Variants in TNIP3 observed in about 807,000 individuals in gnomAD.
TNIP3 encodes TNFAIP3-interacting protein 3.
Under a neutral mutation model 54.1 loss-of-function variants are expected in TNIP3, and 34 were observed. That is an observed-to-expected ratio of 0.63 (90% CI 0.48 to 0.84). The LOEUF (loss-of-function observed/expected upper bound fraction) is 0.84, where lower values mean the gene tolerates loss of function less well. Ranked by LOEUF, TNIP3 falls within the 40% of genes least tolerant of loss-of-function variation. TNIP3 has a pLI of 0.00. For synonymous variants in TNIP3, 134 were observed against 136.8 expected, an observed-to-expected ratio of 0.98 and a Z score of 0.14; for missense variants, 366 against 387.6, an observed-to-expected ratio of 0.94 and a Z score of 0.47.
At chr4:121,182,711 C>A in exon 3 of TNIP3, 2 of 1,534,110 alleles carry the variant, frequency 1.3e-6, no homozygotes, top group Non-Finnish European at 1.7e-6. Flanking sequence ...GTTGGCATGG[C>A]CTCTGGGGTG....
intron 2 of TNIP3, among the ~76,000 whole-genome samples, chr4:121,191,028 C>T (rs1423598782): frequency 6.6e-6 from 1 of 152,172 alleles, no homozygotes; most frequent in African/African-American, 2.4e-5. Context: ...ACAGGAAGAA[C>T]ATAGCTTAAT....
chr4:121,149,762 T>C (rs1729633186), intron 6 of TNIP3, among the ~76,000 whole-genome samples: 1 of 152,106 alleles, frequency 6.6e-6, no homozygotes, highest in Admixed American at 6.6e-5. Flanking sequence ...GGAGACTCTG[T>C]CTCAAAAACA....
chr4:121,212,337 G>A (rs1726518519), intron 2 of TNIP3, among the ~76,000 whole-genome samples: 1 of 152,120 alleles, frequency 6.6e-6, no homozygotes. Context: ...TCAAATCTCT[G>A]TGAATTTATC....
intron 3 of TNIP3, among the ~76,000 whole-genome samples, chr4:121,173,572 A>C (rs1724119479): frequency 6.6e-6 from 1 of 152,176 alleles, no homozygotes; most frequent in Non-Finnish European, 1.5e-5. Flanking sequence ...ATAGCAATGC[A>C]GATCACTCTG....
In TNIP3 at chr4:121,147,047, A is replaced by T; in HGVS notation, c.735+2T>A. ...CAAAGATTATTTTGTTTTGACTTGT[A>T]CCTGGGAATTCAGCCTGTTCAACTG... On this transcript the variant is annotated splice_donor_variant, in intron 7 of 10. Coordinates refer to ENST00000057513, the MANE Select transcript of TNIP3 (RefSeq NM_024873.6). LOFTEE classifies it high-confidence loss of function. 1 of 1,609,608 alleles carries T rather than the reference A, an allele frequency of 6.2e-7. No homozygotes were observed. Among genetic ancestry groups the T allele is most frequent in the Non-Finnish European group, 8.5e-7 (1 of 1,178,292 alleles).
intron 2 of TNIP3, among the ~76,000 whole-genome samples, chr4:121,188,566 G>A (rs1281819391): frequency 6.6e-6 from 1 of 152,166 alleles, no homozygotes; most frequent in African/African-American, 2.4e-5. Context: ...CTCATCTAAA[G>A]TTTATTTAAA....
chr4:121,194,848 A>AG (rs1184436426), intron 2 of TNIP3, among the ~76,000 whole-genome samples: 3 of 121,684 alleles, frequency 2.5e-5, no homozygotes, highest in African/African-American at 1.3e-4. Context: ...CATGAACAAT[A>AG]GAAAAAAAAA....
intron 1 of TNIP3, among the ~76,000 whole-genome samples, chr4:121,225,313 C>G (rs1418594590): frequency 1.3e-5 from 2 of 152,180 alleles, no homozygotes; most frequent in Non-Finnish European, 2.9e-5. Flanking sequence ...TATTTTCCCC[C>G]CATATGATGT....
rs1170568490 is a variant in TNIP3 at position 121,227,169 on chromosome 4, A to G, written c.3+216T>C. Among the ~76,000 whole-genome samples the G allele has an allele frequency of 6.9e-4, 105 of 152,206 alleles. 2 individuals are homozygous for G. Among genetic ancestry groups the G allele is most frequent in the Non-Finnish European group, 2.9e-5 (2 of 68,036 alleles). On this transcript the variant is annotated intron_variant, in intron 1 of 12. Transcript: ENST00000509841. ...GTAAAATAAAAAATGTAAAGGAAACACCATGCATTATTACATTTACAACAA... is the reference window on the plus strand; with the variant it reads ...GTAAAATAAAAAATGTAAAGGAAACGCCATGCATTATTACATTTACAACAA...
At position 121,164,048 on chromosome 4, in the gene TNIP3, A is replaced by G. The variant is rs77437633; in HGVS notation, c.66+12T>C. 0.045 allele frequency: 73,042 copies of G among 1,613,212 alleles called. 1,931 individuals are homozygous for G. The highest frequency in any genetic ancestry group is 0.054 in the Non-Finnish European group (63,984 of 1,179,384). Reference sequence around the variant, plus strand: ...GATGTGATCAACTCATCTCCTAGAAATATGTTCTTACCTCTTTATGCTCCG... The same window carrying G: ...GATGTGATCAACTCATCTCCTAGAAGTATGTTCTTACCTCTTTATGCTCCG... On this transcript the variant is annotated intron_variant, in intron 1 of 10. Transcript: ENST00000057513.
At chr4:121,181,545 C>T (rs1305789885) in intron 3 of TNIP3, among the ~76,000 whole-genome samples, 1 of 152,076 alleles carries the variant, frequency 6.6e-6, no homozygotes, top group Non-Finnish European at 1.5e-5. Context: ...GCACACAACA[C>T]TGTTCATGAC....
At chr4:121,151,865 T>C (rs1729779612) in intron 5 of TNIP3, among the ~76,000 whole-genome samples, 1 of 152,210 alleles carries the variant, frequency 6.6e-6, no homozygotes, top group Admixed American at 6.5e-5. Context: ...CTATAACCTA[T>C]TCTAGAATAT....
chr4:121,168,392 G>A (rs887027120), upstream of TNIP3, among the ~76,000 whole-genome samples: 2 of 151,816 alleles, frequency 1.3e-5, no homozygotes, highest in African/African-American at 2.4e-5. Context: ...GTAGAGACAG[G>A]GTTTCACCAT....
chr4:121,131,633 G>T lies in TNIP3; in HGVS notation c.*998C>A, dbSNP rs531724501. ...TTTTTTTTTTTTTTTTGGTGGTGTG[G>T]AGTGGGTGGGTAGGGGGCACTGAGT... On this transcript the variant is annotated 3_prime_UTR_variant, in exon 11 of 11. Coordinates refer to ENST00000057513, the MANE Select transcript of TNIP3 (RefSeq NM_024873.6). 1 of 144,776 alleles carries T rather than the reference G, an allele frequency of 6.9e-6. No individual in the cohort carries two copies. The highest frequency in any genetic ancestry group is 2.2e-4 in the South Asian group (1 of 4,468). 9.0% of individuals were successfully genotyped at this position (144,776 alleles called of 1,614,324 possible).
intron 3 of TNIP3, among the ~76,000 whole-genome samples, chr4:121,172,708 T>C (rs1447563057): frequency 6.6e-6 from 1 of 152,246 alleles, no homozygotes; most frequent in Non-Finnish European, 1.5e-5. Context: ...TCACAAAATC[T>C]GTTCCACAAA....
At chr4:121,222,895 T>C (rs895707807) in intron 1 of TNIP3, among the ~76,000 whole-genome samples, 1 of 138,920 alleles carries the variant, frequency 7.2e-6, no homozygotes. Context: ...AAGCTCCGCC[T>C]CCCAGGTTCA....
At chr4:121,177,892 C>T (rs1482051200) in intron 3 of TNIP3, among the ~76,000 whole-genome samples, 5 of 152,130 alleles carry the variant, frequency 3.3e-5, no homozygotes, top group Non-Finnish European at 7.3e-5. Flanking sequence ...TTTGAAATAC[C>T]TGCAGAGGAC....
At chr4:121,221,270 T>C (rs1727013776), upstream of TNIP3, among the ~76,000 whole-genome samples, 1 of 152,162 alleles carries the variant, frequency 6.6e-6, no homozygotes, top group South Asian at 2.1e-4. Flanking sequence ...ATATATAAAA[T>C]AGCCAGTTTG....
At chr4:121,147,578 A>G (rs528152112) in intron 6 of TNIP3, among the ~76,000 whole-genome samples, 1 of 152,346 alleles carries the variant, frequency 6.6e-6, no homozygotes, top group South Asian at 2.1e-4. Flanking sequence ...GTAATATTTG[A>G]GTGGAACACC....
Sources: allele counts gnomAD v4.1 joint callset (sites outside exome capture counted in the v4.1 genomes callset), GRCh38; gene constraint gnomAD v4.1.1; transcripts MANE v1.5; gene names NCBI Gene and HGNC (gene_info 2026-07-23, HGNC 2026-07-21).